Variants in NWD2 observed in about 807,000 individuals in gnomAD.
NWD2 encodes NACHT and WD repeat domain-containing protein 2.
NWD2 carries 37 observed loss-of-function variants against 132.7 expected under a neutral mutation model. The ratio of observed to expected loss-of-function variants is 0.28; its 90% CI spans 0.21 to 0.37. The LOEUF (loss-of-function observed/expected upper bound fraction) is 0.37, where lower values mean the gene tolerates loss of function less well. Ranked by LOEUF, NWD2 falls within the 10% of genes least tolerant of loss-of-function variation. NWD2 has a pLI of 1.00. For synonymous variants in NWD2, 705 were observed against 803.0 expected (o/e 0.88, Z 2.06); for missense variants, 1,592 against 2,122.4 (o/e 0.75, Z 4.91).
At chr4:37,311,950 G>A (rs983152571) in intron 1 of NWD2, among the ~76,000 whole-genome samples, 179 of 151,582 alleles carry the variant, frequency 1.2e-3, no homozygotes, top group Non-Finnish European at 1.6e-3. Context: ...GATATGCGGC[G>A]TTATTTCTGA....
At chr4:37,345,574 A>G (rs1442135941) in intron 2 of NWD2, among the ~76,000 whole-genome samples, 1 of 152,168 alleles carries the variant, frequency 6.6e-6, no homozygotes. Context: ...ACTGAGTTGT[A>G]GGAGTTCTTT....
intron 3 of NWD2, 41 bp from the exon 4 acceptor site, chr4:37,430,512 GAATACTAAAATGAACTTTC>G (rs1181112490): frequency 8.5e-7 from 1 of 1,169,628 alleles, no homozygotes. Flanking sequence ...CATGTGATGT[GAATACTAAAATGAACTTTC>G]TTGGTGATAC....
chr4:37,412,203 T>C (rs1483509925), intron 3 of NWD2, among the ~76,000 whole-genome samples: 6 of 152,196 alleles, frequency 3.9e-5, no homozygotes, highest in African/African-American at 1.4e-4. Context: ...TTGTCTCTGT[T>C]TGCAGATGGC....
At chr4:37,399,627 T>C (rs182466167) in intron 3 of NWD2, among the ~76,000 whole-genome samples, 2 of 152,350 alleles carry the variant, frequency 1.3e-5, no homozygotes, top group African/African-American at 4.8e-5. Context: ...CTATTGTTGA[T>C]GTGAAGTGAC....
At chr4:37,317,368 G>A (rs1039444356) in intron 1 of NWD2, among the ~76,000 whole-genome samples, 1 of 152,138 alleles carries the variant, frequency 6.6e-6, no homozygotes, top group Non-Finnish European at 1.5e-5. Context: ...TGATCTCCTT[G>A]TTACATTTCG....
chr4:37,440,661 T>G (rs1712457761), intron 6 of NWD2, among the ~76,000 whole-genome samples: 1 of 152,184 alleles, frequency 6.6e-6, no homozygotes, highest in African/African-American at 2.4e-5. Flanking sequence ...CTCTCCAGTC[T>G]TCTTTTTCAG....
chr4:37,336,775 C>T (rs1283745597), intron 2 of NWD2, among the ~76,000 whole-genome samples: 2 of 151,698 alleles, frequency 1.3e-5, no homozygotes, highest in East Asian at 3.9e-4. Flanking sequence ...CCCGTCTCTA[C>T]TAAAAATAAA....
chr4:37,302,293 A>G (rs1456487544), intron 1 of NWD2, among the ~76,000 whole-genome samples: 2 of 151,464 alleles, frequency 1.3e-5, no homozygotes, highest in African/African-American at 4.8e-5. Flanking sequence ...ACAGAATTTT[A>G]TTCATTTTGA....
At chr4:37,342,794 G>C (rs928685869) in intron 2 of NWD2, among the ~76,000 whole-genome samples, 2 of 152,204 alleles carry the variant, frequency 1.3e-5, no homozygotes, top group East Asian at 1.9e-4. Context: ...GGTCTAGGCA[G>C]TTAGTTGTCT....
chr4:37,327,578 A>G (rs192689203), intron 2 of NWD2, among the ~76,000 whole-genome samples: 1 of 152,254 alleles, frequency 6.6e-6, no homozygotes, highest in East Asian at 1.9e-4. Context: ...CTAAAATAGG[A>G]ATGGCAGCAG....
chr4:37,354,378 G>A (rs538262209), intron 2 of NWD2, among the ~76,000 whole-genome samples: 18 of 152,296 alleles, frequency 1.2e-4, no homozygotes, highest in African/African-American at 3.8e-4. Context: ...GAGCTGTGCT[G>A]GGAGATCCAC....
chr4:37,247,300 T>C (rs759550129), intron 1 of NWD2, among the ~76,000 whole-genome samples: 10 of 152,230 alleles, frequency 6.6e-5, no homozygotes, highest in Non-Finnish European at 1.3e-4. Flanking sequence ...GTGGGATCTT[T>C]ATGGATGCAA....
chr4:37,434,243 A>T (rs1712254926), intron 5 of NWD2, among the ~76,000 whole-genome samples: 1 of 152,224 alleles, frequency 6.6e-6, no homozygotes, highest in African/African-American at 2.4e-5. Flanking sequence ...TTTTAAAAGA[A>T]GCCAGAGGTG....
intron 1 of NWD2, among the ~76,000 whole-genome samples, chr4:37,323,346 A>G (rs1387156887): frequency 2.6e-5 from 4 of 152,194 alleles, no homozygotes; most frequent in African/African-American, 9.7e-5. Context: ...ACTTAAATCA[A>G]GCAAAAACCA....
chr4:37,371,084 T>TTC (rs1005459835), intron 3 of NWD2, among the ~76,000 whole-genome samples: 5 of 143,488 alleles, frequency 3.5e-5, no homozygotes, highest in African/African-American at 1.0e-4. Context: ...TTTTCTTTTT[T>TTC]TTTTTTTTTT....
intron 2 of NWD2, among the ~76,000 whole-genome samples, chr4:37,332,629 A>G (rs756212030): frequency 1.3e-4 from 20 of 152,190 alleles, no homozygotes; most frequent in Non-Finnish European, 2.8e-4. Context: ...CATTCAGAGA[A>G]GTGCTGGTTA....
intron 2 of NWD2, among the ~76,000 whole-genome samples, chr4:37,334,862 A>T (rs1392864424): frequency 6.6e-6 from 1 of 152,100 alleles, no homozygotes; most frequent in Non-Finnish European, 1.5e-5. Context: ...TACCTCTGAC[A>T]TCCATTAAAT....
intron 3 of NWD2, among the ~76,000 whole-genome samples, chr4:37,405,694 A>G (rs1016034662): frequency 6.6e-6 from 1 of 152,212 alleles, no homozygotes; most frequent in African/African-American, 2.4e-5. Context: ...GTTTGAGAAA[A>G]ACATTGCTCT....
At chr4:37,247,956 C>T (rs553365658) in intron 1 of NWD2, among the ~76,000 whole-genome samples, 1 of 152,224 alleles carries the variant, frequency 6.6e-6, no homozygotes, top group East Asian at 1.9e-4. Context: ...TATATTAGTT[C>T]ATTCAATATT....
Sources: allele counts gnomAD v4.1 joint callset (sites outside exome capture counted in the v4.1 genomes callset), GRCh38; gene constraint gnomAD v4.1.1; transcripts MANE v1.5; gene names NCBI Gene and HGNC (gene_info 2026-07-23, HGNC 2026-07-21).